Variants in NTF3 observed in about 807,000 individuals in gnomAD.
NTF3 encodes neurotrophin-3.
Under a neutral mutation model 26.3 loss-of-function variants are expected in NTF3, and 8 were observed. That is an observed-to-expected ratio of 0.30 (90% CI 0.18 to 0.55). The LOEUF is 0.55. NTF3 is among the 20% of genes least tolerant of loss of function. NTF3 has a pLI of 0.93. For synonymous variants in NTF3, 154 were observed against 145.5 expected (o/e 1.06, Z -0.42); for missense variants, 276 against 352.9 (o/e 0.78, Z 1.75).
intron 1 of NTF3, among the ~76,000 whole-genome samples, chr12:5,454,901 A>T (rs1833564173): frequency 6.6e-6 from 1 of 152,158 alleles, no homozygotes; most frequent in African/African-American, 2.4e-5. Context: ...GCTGCTTGGC[A>T]GCCAGGAGTT....
At chr12:5,443,564 G>A (rs1383787253) in intron 1 of NTF3, among the ~76,000 whole-genome samples, 4 of 152,176 alleles carry the variant, frequency 2.6e-5, no homozygotes, top group Non-Finnish European at 4.4e-5. Flanking sequence ...GGTGCTTTGC[G>A]TCCAAGATAG....
upstream of NTF3, among the ~76,000 whole-genome samples, chr12:5,430,665 C>A (rs909850704): frequency 6.6e-6 from 1 of 150,504 alleles, no homozygotes; most frequent in Non-Finnish European, 1.5e-5. Context: ...GGGTGCAGTT[C>A]CGATGTTTAA....
At chr12:5,471,036 T>C (rs948746426) in intron 1 of NTF3, among the ~76,000 whole-genome samples, 1 of 151,866 alleles carries the variant, frequency 6.6e-6, no homozygotes, top group Non-Finnish European at 1.5e-5. Context: ...GCATTACTGG[T>C]CTCCTCTCTT....
intron 1 of NTF3, among the ~76,000 whole-genome samples, chr12:5,486,268 A>G (rs1308740259): frequency 1.3e-5 from 2 of 152,196 alleles, no homozygotes; most frequent in Admixed American, 1.3e-4. Flanking sequence ...GATGCACACA[A>G]AAAAGGTTTG....
At chr12:5,481,282 C>T (rs1439472798) in intron 1 of NTF3, among the ~76,000 whole-genome samples, 1 of 152,126 alleles carries the variant, frequency 6.6e-6, no homozygotes. Flanking sequence ...TGGGAGTAGA[C>T]GCAGGCTCTT....
In NTF3 at chr12:5,443,653, T is replaced by C. The variant is rs182916145; in HGVS notation, c.18+11311T>C. On this transcript the variant is annotated intron_variant, in intron 1 of 1. Coordinates refer to ENST00000423158, the MANE Select transcript of NTF3 (RefSeq NM_001102654.2). ...AAGATTCCTTCACATTAGAATTCAT[T>C]CCATGATTGTTTTTATGGAGGTTTT... 8.5e-5 allele frequency among the ~76,000 whole-genome samples: 13 copies of C among 152,334 alleles called. No homozygotes were observed. In the East Asian group the frequency reaches 2.5e-3, roughly 29 times the overall value.
At chr12:5,473,307 G>A (rs1301019269) in intron 1 of NTF3, among the ~76,000 whole-genome samples, 1 of 152,206 alleles carries the variant, frequency 6.6e-6, no homozygotes, top group African/African-American at 2.4e-5. Flanking sequence ...AGATAGCAAG[G>A]AAATGTGGGC....
At chr12:5,479,862 C>T (rs992416908) in intron 1 of NTF3, among the ~76,000 whole-genome samples, 2 of 152,188 alleles carry the variant, frequency 1.3e-5, no homozygotes, top group Non-Finnish European at 2.9e-5. Flanking sequence ...TTGTTGCTCT[C>T]AGACTGGCCT....
intron 1 of NTF3, among the ~76,000 whole-genome samples, chr12:5,452,067 G>T: frequency 6.7e-6 from 1 of 149,352 alleles, no homozygotes; most frequent in Admixed American, 6.7e-5. Context: ...TTATTGCATT[G>T]TACGTATCTC....
upstream of NTF3, among the ~76,000 whole-genome samples, chr12:5,431,334 A>T (rs1940083826): frequency 6.6e-6 from 1 of 152,052 alleles, no homozygotes; most frequent in Admixed American, 6.6e-5. Flanking sequence ...GTGAAATGGG[A>T]GGCTGCGATC....
At chr12:5,438,981 G>A (rs1300968974) in intron 1 of NTF3, among the ~76,000 whole-genome samples, 1 of 152,204 alleles carries the variant, frequency 6.6e-6, no homozygotes, top group Non-Finnish European at 1.5e-5. Context: ...GAATGGCTGA[G>A]TCAAAGGCAG....
chr12:5,439,649 G>A lies in NTF3; in HGVS notation c.18+7307G>A, dbSNP rs74056346. On this transcript the variant is annotated intron_variant, in intron 1 of 1. Coordinates refer to ENST00000423158, the MANE Select transcript of NTF3 (RefSeq NM_001102654.2). The stretch of plus-strand genomic sequence containing the variant: ...AGGGAACCTGCCCTTACAGAATACG[G>A]ATATTGATTTAAGCCACAATTGCCT... 6.4e-3 allele frequency among the ~76,000 whole-genome samples: 970 copies of A among 152,286 alleles called. 14 individuals are homozygous for A. The highest frequency in any genetic ancestry group is 0.022 in the African/African-American group (904 of 41,554).
chr12:5,468,248 A>G (rs1221850868), intron 1 of NTF3, among the ~76,000 whole-genome samples: 1 of 152,186 alleles, frequency 6.6e-6, no homozygotes, highest in Non-Finnish European at 1.5e-5. Context: ...TTGTATGTAT[A>G]TGATGTATTG....
intron 1 of NTF3, among the ~76,000 whole-genome samples, chr12:5,447,448 G>C (rs1384754267): frequency 6.6e-6 from 1 of 152,192 alleles, no homozygotes; most frequent in Non-Finnish European, 1.5e-5. Flanking sequence ...GGCTATTTCT[G>C]CCTTAGAGCT....
chr12:5,465,490 A>G (rs1189877413), intron 1 of NTF3, among the ~76,000 whole-genome samples: 1 of 152,240 alleles, frequency 6.6e-6, no homozygotes, highest in African/African-American at 2.4e-5. Flanking sequence ...TTGAGGTCAA[A>G]GGTAGGACTT....
chr12:5,459,728 A>G (rs1244079243), intron 1 of NTF3, among the ~76,000 whole-genome samples: 1 of 152,206 alleles, frequency 6.6e-6, no homozygotes, highest in East Asian at 1.9e-4. Flanking sequence ...GTCCCAGAGC[A>G]CATTTTATCA....
At chr12:5,458,052 C>G (rs577903173) in intron 1 of NTF3, among the ~76,000 whole-genome samples, 1 of 152,304 alleles carries the variant, frequency 6.6e-6, no homozygotes, top group Non-Finnish European at 1.5e-5. Context: ...TAATGGCTCT[C>G]CAGTGCCTCT....
At chr12:5,493,848 G>A (rs149243296) in intron 1 of NTF3, among the ~76,000 whole-genome samples, 2 of 152,306 alleles carry the variant, frequency 1.3e-5, no homozygotes, top group East Asian at 1.9e-4. Context: ...GCTTTGCCAA[G>A]GTAGAGTGAA....
In NTF3 at chr12:5,432,111, C is replaced by A; in HGVS notation, c.-214C>A. 1.6e-6 allele frequency: 1 copy of A among 633,444 alleles called. No individual in the cohort carries two copies. The highest frequency in any genetic ancestry group is 2.9e-6 in the Non-Finnish European group (1 of 348,760). The allele number at this position is 633,444 out of a possible 1,614,324, so 39.2% of individuals were successfully genotyped here. A position where few individuals can be genotyped will look rare whatever the true frequency, so the allele number is the denominator to read the frequency against. On this transcript the variant is annotated 5_prime_UTR_variant, in exon 1 of 2. Coordinates refer to ENST00000423158, the MANE Select transcript of NTF3 (RefSeq NM_001102654.2). ...CCGCGCAGATTCTGTTCACGGGACT[C>A]AGAGTTGAAGCTCCTCTCCCTTCCG...
Sources: gnomAD v4.1 joint callset for allele counts (sites outside exome capture counted in the v4.1 genomes callset) on GRCh38, gnomAD v4.1.1 for gene constraint, MANE v1.5 for transcripts, NCBI Gene and HGNC (gene_info 2026-07-23, HGNC 2026-07-21) for gene names.